Variants in VWA5A observed in about 807,000 individuals in gnomAD.
VWA5A encodes von Willebrand factor A domain-containing protein 5A.
VWA5A carries 77 observed loss-of-function variants against 84.6 expected under a neutral mutation model. The observed-to-expected ratio is 0.91, with a 90% CI of 0.76 to 1.10. The LOEUF (loss-of-function observed/expected upper bound fraction) is 1.10, where lower values mean the gene tolerates loss of function less well. Among genes scored for constraint, VWA5A ranks in the 50% least tolerant of loss-of-function variants. The pLI is 0.00. For missense variants in VWA5A, 973 were observed against 963.0 expected (o/e 1.01, Z -0.14); for synonymous variants, 334 against 350.1 (o/e 0.95, Z 0.51).
chr11:124,139,268 G>A (rs1407620287), intron 15 of VWA5A, among the ~76,000 whole-genome samples: 3 of 132,262 alleles, frequency 2.3e-5, no homozygotes, highest in East Asian at 2.1e-4. Flanking sequence ...TTTTCTCAAG[G>A]TTACTTTGAC....
intron 15 of VWA5A, among the ~76,000 whole-genome samples, chr11:124,139,686 G>GTT (rs1555039059): frequency 2.6e-4 from 38 of 147,924 alleles, no homozygotes; most frequent in African/African-American, 6.1e-4. Context: ...TTTAACAGGT[G>GTT]TTTTTTTTTT....
chr11:124,139,992 G>A (rs1860695852), intron 15 of VWA5A, among the ~76,000 whole-genome samples: 1 of 152,036 alleles, frequency 6.6e-6, no homozygotes, highest in Non-Finnish European at 1.5e-5. Context: ...ATTTTGTTGA[G>A]AGTTTTTATC....
At chr11:124,144,658 A>C (rs2137669348) in intron 17 of VWA5A, among the ~76,000 whole-genome samples, 1 of 152,352 alleles carries the variant, frequency 6.6e-6, no homozygotes, top group East Asian at 1.9e-4. Flanking sequence ...AGCTGGGAGC[A>C]GTGAGCGAAA....
chr11:124,118,842 C>T (rs1328718578), intron 6 of VWA5A, 133 bp from the exon 7 acceptor site: 7 of 1,350,926 alleles, frequency 5.2e-6, no homozygotes, highest in Admixed American at 4.1e-5. Flanking sequence ...ATTTAATCTC[C>T]AGAGCCTTCT....
chr11:124,120,740 G>A (rs913020385), intron 7 of VWA5A, among the ~76,000 whole-genome samples: 4 of 152,018 alleles, frequency 2.6e-5, no homozygotes, highest in Non-Finnish European at 5.9e-5. Context: ...TTTCCTTATG[G>A]TGACTATTTC....
intron 15 of VWA5A, among the ~76,000 whole-genome samples, chr11:124,137,569 T>C (rs890643196): frequency 2.0e-5 from 3 of 152,256 alleles, no homozygotes; most frequent in Admixed American, 6.5e-5. Flanking sequence ...ATCTTTTTTA[T>C]TGAGATATAA....
rs1234733778 is a variant in VWA5A, at chr11:124,118,558, T to C, written c.495T>C (p.Asn165=). 1 of 1,614,170 alleles carries C rather than the reference T, an allele frequency of 6.2e-7. No individual in the cohort carries two copies. The part of the protein sequence containing the change: ...FSGSSKDSCL[N]VKTPIVPVED... ...GGTCGTCTAAGGACAGTTGCCTTAATGTGAAGACTCCTATAGTCCCTGTGG... is the reference window on the plus strand; with the variant it reads ...GGTCGTCTAAGGACAGTTGCCTTAACGTGAAGACTCCTATAGTCCCTGTGG... Residue 165 remains asparagine (N), a synonymous_variant, in exon 6 of 19, where the codon AAT becomes AAC. Transcript: ENST00000456829.
chr11:124,144,532 T>C (rs1287673217), intron 17 of VWA5A, among the ~76,000 whole-genome samples: 2 of 152,180 alleles, frequency 1.3e-5, no homozygotes, highest in African/African-American at 4.8e-5. Flanking sequence ...ATGGAGGAAT[T>C]GAGAATTCTA....
chr11:124,139,538 A>C (rs1170473399), intron 15 of VWA5A, among the ~76,000 whole-genome samples: 1 of 152,044 alleles, frequency 6.6e-6, no homozygotes, highest in Non-Finnish European at 1.5e-5. Flanking sequence ...TAAATGTTTT[A>C]ATTATTTTGT....
At chr11:124,128,356 TG>T (rs1865049599) in intron 11 of VWA5A, among the ~76,000 whole-genome samples, 1 of 152,222 alleles carries the variant, frequency 6.6e-6, no homozygotes, top group Non-Finnish European at 1.5e-5. Context: ...GCCTCTGTTC[TG>T]TACCATTGGT....
intron 13 of VWA5A, 33 bp downstream of exon 13, chr11:124,136,326 A>G: frequency 6.2e-7 from 1 of 1,600,890 alleles, no homozygotes; most frequent in Non-Finnish European, 8.5e-7. Flanking sequence ...TCCTCTAGTC[A>G]AAGAGCTACC....
chr11:124,126,778 TGGACA>T, intron 11 of VWA5A, among the ~76,000 whole-genome samples: 1 of 151,330 alleles, frequency 6.6e-6, no homozygotes, highest in South Asian at 2.1e-4. Flanking sequence ...AAAAGAACAA[TGGACA>T]CCATATAACC....
At chr11:124,123,276 A>G (rs1349278548) in intron 8 of VWA5A, 90 bp from the exon 9 acceptor site, 6 of 1,512,280 alleles carry the variant, frequency 4.0e-6, no homozygotes, top group Non-Finnish European at 5.4e-6. Context: ...AAGGTGGGGG[A>G]TGGCCCACAT....
At chr11:124,134,464 T>A (rs1293525453) in intron 11 of VWA5A, among the ~76,000 whole-genome samples, 2 of 152,164 alleles carry the variant, frequency 1.3e-5, no homozygotes, top group Non-Finnish European at 2.9e-5. Context: ...CATTTAGAAG[T>A]GCAGGAGGCA....
chr11:124,136,290 G>T lies in VWA5A; in HGVS notation c.1521G>T (p.Met507Ile). Residue 507 changes from methionine (M) to isoleucine (I), a missense_variant, in exon 13 of 19, where the codon ATG becomes ATT. By Grantham distance (10) the Met-to-Ile change is conservative. Transcript: ENST00000456829. ...LISYAQLTGR[M>I]PAAETTGEVC... ...GCTATGCCCAGCTGACCGGGAGGAT[G>T]CCAGTGAGTTCCCATTCTTATTTGT... 1 of 1,612,064 alleles carries T rather than the reference G, an allele frequency of 6.2e-7. No individual in the cohort carries two copies.
chr11:124,133,066 G>T (rs1055694709), intron 11 of VWA5A, among the ~76,000 whole-genome samples: 1 of 152,090 alleles, frequency 6.6e-6, no homozygotes, highest in African/African-American at 2.4e-5. Flanking sequence ...AGTTGTCAAA[G>T]AAAAAATTAT....
At position 124,123,598 on chromosome 11, in the gene VWA5A, G is replaced by A. The variant is rs999249503; in HGVS notation, c.1020-62G>A. 6.6e-5 allele frequency: 106 copies of A among 1,613,260 alleles called. 2 individuals carry two copies. In the Admixed American group the frequency reaches 1.7e-3, roughly 26 times the overall value. ...TTTTAATGGGGGTTTCTCAATTCAGGGACTCTATACTGGGCAAGGTTAAGT... is the reference window on the plus strand; with the variant it reads ...TTTTAATGGGGGTTTCTCAATTCAGAGACTCTATACTGGGCAAGGTTAAGT... On this transcript the variant is annotated intron_variant, in intron 9 of 18. Transcript: ENST00000456829.
At chr11:124,120,349 T>A (rs961346173) in intron 7 of VWA5A, among the ~76,000 whole-genome samples, 10 of 152,240 alleles carry the variant, frequency 6.6e-5, no homozygotes, top group African/African-American at 2.4e-4. Flanking sequence ...AGGACTGGAG[T>A]GCTATTGCCA....
At chr11:124,128,729 A>C (rs200118222) in intron 11 of VWA5A, among the ~76,000 whole-genome samples, 1 of 152,080 alleles carries the variant, frequency 6.6e-6, no homozygotes, top group East Asian at 1.9e-4. Flanking sequence ...TAGGTATTTC[A>C]TTCCTTTGTA....
Sources: gnomAD v4.1 joint callset for allele counts (sites outside exome capture counted in the v4.1 genomes callset) on GRCh38, gnomAD v4.1.1 for gene constraint, MANE v1.5 for transcripts, NCBI Gene and HGNC (gene_info 2026-07-23, HGNC 2026-07-21) for gene names.